The following HLA-DRB5 variants were observed in gnomAD, a reference collection of about 807,000 sequenced individuals.
HLA-DRB5 encodes the protein DR beta-5.
HLA-DRB5 carries 11 observed loss-of-function variants against 22.4 expected under a neutral mutation model. That is an observed-to-expected ratio of 0.49 (90% CI 0.31 to 0.81). The LOEUF is 0.81. Among genes scored for constraint, HLA-DRB5 ranks in the 40% least tolerant of loss-of-function variants. The pLI is 0.05. For synonymous variants in HLA-DRB5, 57 were observed against 106.0 expected, an observed-to-expected ratio of 0.54 and a Z score of 2.84; for missense variants, 106 against 274.4, an observed-to-expected ratio of 0.39 and a Z score of 4.34.
rs1286696713 is a variant in HLA-DRB5, at chr6:32,523,878, T to C, written c.101-1704A>G. Among the ~76,000 whole-genome samples the C allele has an allele frequency of 1.9e-5, 2 of 107,150 alleles. 1 individual carries two copies. The highest frequency in any genetic ancestry group is 4.2e-5 in the Non-Finnish European group (2 of 47,962). The allele number at this position is 107,150 out of a possible 152,430, so 70.3% of individuals were successfully genotyped here. On this transcript the variant is annotated intron_variant, in intron 1 of 5. Transcript: ENST00000374975. ...TCTCAGCCTCAGCACTATTGACATTTTGGTCCAGATAATTCTTTGTTGGTA... is the reference window on the plus strand; with the variant it reads ...TCTCAGCCTCAGCACTATTGACATTCTGGTCCAGATAATTCTTTGTTGGTA...
At chr6:32,521,606 C>T (rs796203197) in intron 2 of HLA-DRB5, among the ~76,000 whole-genome samples, 845 of 75,320 alleles carry the variant, frequency 0.011, no homozygotes, top group East Asian at 0.026. Flanking sequence ...CAGCCCCCTG[C>T]ACCCACCTCC....
In HLA-DRB5 at chr6:32,528,025, ACT is replaced by A. The variant is rs747445094; in HGVS notation, c.100+2098_100+2099del. Among the ~76,000 whole-genome samples, 198 of 53,090 alleles carry A rather than the reference ACT, an allele frequency of 3.7e-3. 24 individuals are homozygous for A. Among genetic ancestry groups the A allele is most frequent in the East Asian group, 5.1e-3 (10 of 1,976 alleles). The allele number at this position is 53,090 out of a possible 152,430, so 34.8% of individuals were successfully genotyped here. ...TGCCACTGCATTTCCTTGCTTGCTC[ACT>A]TCAGTCCCTCTAGCCTTCTTTCTGT... On this transcript the variant is annotated intron_variant, in intron 1 of 5. Transcript: ENST00000374975.
At chr6:32,528,447 ATG>A (rs879749552) in intron 1 of HLA-DRB5, among the ~76,000 whole-genome samples, 11,045 of 61,322 alleles carry the variant, frequency 0.18, 1,293 homozygotes, top group Middle Eastern at 0.31. Context: ...TTAATAAACC[ATG>A]GTTCTGGGAA....
chr6:32,518,790 G>A (rs549614349), intron 3 of HLA-DRB5, 124 bp from the exon 4 acceptor site: 9,752 of 218,074 alleles, frequency 0.045, 17 homozygotes, highest in Admixed American at 0.11. Flanking sequence ...AAAATAACTA[G>A]CCATTTCTGG....
At chr6:32,528,094 C>T (rs796902364) in intron 1 of HLA-DRB5, among the ~76,000 whole-genome samples, 1,983 of 30,474 alleles carry the variant, frequency 0.065, 86 homozygotes, top group Non-Finnish European at 0.072. Context: ...CCCCCCAATT[C>T]GGTCTCCCTG....
At chr6:32,519,713 C>CTGTTT (rs760375423) in intron 2 of HLA-DRB5, 62 bp from the exon 3 acceptor site, 63,834 of 478,250 alleles carry the variant, frequency 0.13, 389 homozygotes, top group East Asian at 0.24. Context: ...CCCTTTTTGG[C>CTGTTT]TGTTTGTCTG....
intron 1 of HLA-DRB5, among the ~76,000 whole-genome samples, chr6:32,523,052 A>G (rs796544441): frequency 0.3 from 32,213 of 107,734 alleles, 1,284 homozygotes; most frequent in Middle Eastern, 0.39. Context: ...ACATCACAAG[A>G]AGCCAGGTAT....
At chr6:32,527,632 T>A (rs1769760114) in intron 1 of HLA-DRB5, among the ~76,000 whole-genome samples, 1 of 41,124 alleles carries the variant, frequency 2.4e-5, no homozygotes. Context: ...ATCCCAGCAC[T>A]TTGGGAGTCT....
Position 32,528,009 on chromosome 6 carries a change from ATTTCCTTGCTTGCTCACTTCAGTCCC to A in HLA-DRB5, c.100+2090_100+2115del, listed in dbSNP as rs1769811133. 5.6e-5 allele frequency among the ~76,000 whole-genome samples: 2 copies of A among 35,880 alleles called. 1 individual carries two copies. Among genetic ancestry groups the A allele is most frequent in the Non-Finnish European group, 1.2e-4 (2 of 17,210 alleles). The allele number at this position is 35,880 out of a possible 152,430, so 23.5% of individuals were successfully genotyped here. On this transcript the variant is annotated intron_variant, in intron 1 of 5. Coordinates refer to ENST00000374975, the MANE Select transcript of HLA-DRB5 (RefSeq NM_002125.4). ...ATCCTACCTCATCTTCTGCCACTGC[ATTTCCTTGCTTGCTCACTTCAGTCCC>A]TCTAGCCTTCTTTCTGTCCCTGCAC...
In HLA-DRB5 at chr6:32,519,665, A is replaced by AGG; in HGVS notation, c.371-15_371-14insCC. The AGG allele has an allele frequency of 1.7e-6, 1 of 575,334 alleles. No individual in the cohort carries two copies. 35.6% of individuals were successfully genotyped at this position (575,334 alleles called of 1,614,324 possible). On this transcript the variant is annotated splice_polypyrimidine_tract_variant and intron_variant, in intron 2 of 5. Coordinates refer to ENST00000374975, the MANE Select transcript of HLA-DRB5 (RefSeq NM_002125.4). ...CCTTAGGCTCAACTAGGAGAAAGGAAATGTAGAGGGAATGACTCAGGAAGA... is the reference window on the plus strand; with the variant it reads ...CCTTAGGCTCAACTAGGAGAAAGGAAGGATGTAGAGGGAATGACTCAGGAAGA...
intron 1 of HLA-DRB5, among the ~76,000 whole-genome samples, chr6:32,523,585 G>A (rs369643395): frequency 0.079 from 2,722 of 34,486 alleles, 6 homozygotes; most frequent in Middle Eastern, 0.15. Context: ...GACTTATAAG[G>A]GCAAGTTGTT....
chr6:32,530,053 TG>T (rs1770178902), intron 1 of HLA-DRB5, 71 bp downstream of exon 1: 1 of 788,716 alleles, frequency 1.3e-6, no homozygotes, highest in Non-Finnish European at 2.0e-6. Context: ...GCACCTGGCC[TG>T]GGCACAATGT....
intron 1 of HLA-DRB5, among the ~76,000 whole-genome samples, chr6:32,528,909 T>TGC (rs373381817): frequency 3.7e-5 from 1 of 27,204 alleles, no homozygotes; most frequent in Non-Finnish European, 6.8e-5. Context: ...GACCACTGCA[T>TGC]TACAGCCTGG....
chr6:32,523,905 A>T (rs796749227), intron 1 of HLA-DRB5, among the ~76,000 whole-genome samples: 21,011 of 72,684 alleles, frequency 0.29, 1,745 homozygotes, highest in Middle Eastern at 0.34. Context: ...TTGTTGGTAA[A>T]GGAGGCTGTT....
chr6:32,523,747 C>CTTT (rs1562440469), intron 1 of HLA-DRB5, among the ~76,000 whole-genome samples: 8,221 of 87,324 alleles, frequency 0.094, 8 homozygotes, highest in Non-Finnish European at 0.098. Flanking sequence ...TCTACTTTTG[C>CTTT]ATAATGAAGC....
At chr6:32,529,990 G>T (rs1257810966) in intron 1 of HLA-DRB5, 135 bp downstream of exon 1, 25 of 599,616 alleles carry the variant, frequency 4.2e-5, no homozygotes, top group Non-Finnish European at 5.9e-6. Flanking sequence ...AATAATTTGG[G>T]ATCCCATGAT....
chr6:32,525,930 T>TTTG (rs112454192), intron 1 of HLA-DRB5, among the ~76,000 whole-genome samples: 2 of 33,248 alleles, frequency 6.0e-5, no homozygotes, highest in African/African-American at 2.7e-4. Flanking sequence ...TGTGACCTCT[T>TTTG]CATGAGCAGT....
intron 2 of HLA-DRB5, among the ~76,000 whole-genome samples, chr6:32,520,266 G>T (rs181485460): frequency 1.2e-3 from 65 of 52,254 alleles, no homozygotes; most frequent in African/African-American, 2.1e-3. Flanking sequence ...AAAGTAATGT[G>T]GATAGATAAA....
At chr6:32,524,831 G>GGTACCCAATTAAATTTGGATTTCCAATA in intron 1 of HLA-DRB5, among the ~76,000 whole-genome samples, 1 of 84,524 alleles carries the variant, frequency 1.2e-5, no homozygotes, top group African/African-American at 4.8e-5. Flanking sequence ...AAAACCAGAG[G>GGTACCCAATTAAATTTGGATTTCCAATA]ATGCCCAGGT....
Sources: allele counts gnomAD v4.1 joint callset (sites outside exome capture counted in the v4.1 genomes callset), GRCh38; gene constraint gnomAD v4.1.1; transcripts MANE v1.5; gene names NCBI Gene and HGNC (gene_info 2026-07-23, HGNC 2026-07-21).